ZNF516: variants seen among roughly 807,000 people sequenced by gnomAD.
The protein encoded by ZNF516 is zinc finger protein 516.
ZNF516 carries 19 observed loss-of-function variants against 79.7 expected under a neutral mutation model. The observed-to-expected ratio is 0.24, with a 90% CI of 0.17 to 0.35. The LOEUF (loss-of-function observed/expected upper bound fraction) is 0.35. Ranked by LOEUF, ZNF516 falls within the 10% of genes least tolerant of loss-of-function variation. ZNF516 has a pLI of 1.00. For synonymous variants in ZNF516, 877 were observed against 739.5 expected (o/e 1.19, Z -3.02); for missense variants, 1,678 against 1,679.5 (o/e 1.00, Z 0.02).
chr18:76,391,863 G>A (rs2075078386), intron 3 of ZNF516, among the ~76,000 whole-genome samples: 1 of 152,226 alleles, frequency 6.6e-6, no homozygotes, highest in African/African-American at 2.4e-5. Flanking sequence ...GAAGGCCGGA[G>A]ACCCCATCAG....
At chr18:76,423,001 G>A (rs531694296) in intron 3 of ZNF516, among the ~76,000 whole-genome samples, 3 of 152,198 alleles carry the variant, frequency 2.0e-5, no homozygotes, top group South Asian at 4.2e-4. Context: ...ATCTTAATGC[G>A]TCTGGCCACC....
chr18:76,441,489 C>T lies in ZNF516; in HGVS notation c.1566G>A (p.Lys522=). Residue 522 remains lysine (K), a synonymous_variant, in exon 3 of 7, where the codon AAG becomes AAA. Transcript: ENST00000443185. ...GKSSECFECG[K]IFRTYHQMVL... ...CCATCTGATGATAGGTGCGGAAGAT[C>T]TTGCCGCACTCGAAGCACTCGGAGG... The T allele has an allele frequency of 6.3e-7, 1 of 1,599,866 alleles. No individual in the cohort carries two copies.
intron 1 of ZNF516, among the ~76,000 whole-genome samples, chr18:76,491,485 C>A (rs1166583281): frequency 7.3e-6 from 1 of 137,274 alleles, no homozygotes; most frequent in South Asian, 2.3e-4. Context: ...GCTGTGGGTC[C>A]GTCTCTTTCA....
At position 76,358,607 on chromosome 18, in the gene ZNF516, T is replaced by C. The variant is rs1047922; in HGVS notation, c.*3891A>G. ...GTTTTTTTGCTCAGTGAACAAAACG[T>C]TCTGAAATTAGAACTCACCAAAGTT... On this transcript the variant is annotated 3_prime_UTR_variant, in exon 7 of 7. Transcript: ENST00000443185. 17,454 of 152,302 alleles carry C rather than the reference T, an allele frequency of 0.11. 1,078 individuals carry two copies. Among genetic ancestry groups the C allele is most frequent in the Non-Finnish European group, 0.15 (10,029 of 68,024 alleles). 9.4% of individuals were successfully genotyped at this position (152,302 alleles called of 1,614,324 possible).
rs374464151 is a variant in ZNF516 at position 76,480,529 on chromosome 18, A to ATATATATATAT, written c.-272+14614_-272+14615insATATATATATA. Among the ~76,000 whole-genome samples the ATATATATATAT allele has an allele frequency of 3.7e-4, 52 of 142,086 alleles. 2 individuals are homozygous for ATATATATATAT. Among genetic ancestry groups the ATATATATATAT allele is most frequent in the Middle Eastern group, 3.6e-3 (1 of 274 alleles). 93.2% of individuals were successfully genotyped at this position (142,086 alleles called of 152,430 possible). ...CACACACACACACACACACACATAT[A>ATATATATATAT]TTTTTTTTTTTGAGACGGAGTCTTG... On this transcript the variant is annotated intron_variant, in intron 1 of 6. Transcript: ENST00000443185.
At position 76,421,340 on chromosome 18, in the gene ZNF516, C is replaced by T. The variant is rs115313886; in HGVS notation, c.1810+19905G>A. 6.2e-3 allele frequency among the ~76,000 whole-genome samples: 944 copies of T among 152,272 alleles called. 15 individuals carry two copies. The highest frequency in any genetic ancestry group is 0.021 in the African/African-American group (852 of 41,556). ...GCTGTCCTGGCTGCCAGAGGTATGG[C>T]GGGCTAGGCCTTAGGTGATGGAGAC... On this transcript the variant is annotated intron_variant, in intron 3 of 6. Transcript: ENST00000443185.
At chr18:76,440,345 C>T (rs1477778913) in intron 3 of ZNF516, among the ~76,000 whole-genome samples, 1 of 152,180 alleles carries the variant, frequency 6.6e-6, no homozygotes, top group East Asian at 1.9e-4. Flanking sequence ...CAGCCCTGCC[C>T]CGGGCTTGGA....
At chr18:76,479,940 T>C (rs1400670107) in intron 1 of ZNF516, among the ~76,000 whole-genome samples, 1 of 152,176 alleles carries the variant, frequency 6.6e-6, no homozygotes, top group Non-Finnish European at 1.5e-5. Context: ...TTTAAAGCAA[T>C]GTACCTTCCC....
intron 4 of ZNF516, among the ~76,000 whole-genome samples, chr18:76,374,651 T>C (rs938737925): frequency 1.1e-4 from 16 of 152,234 alleles, no homozygotes; most frequent in African/African-American, 3.6e-4. Flanking sequence ...ATCACACTTC[T>C]AGCACCCACA....
Position 76,432,852 on chromosome 18 carries a change from T to C in ZNF516, c.1810+8393A>G, listed in dbSNP as rs765882504. 4.6e-4 allele frequency among the ~76,000 whole-genome samples: 70 copies of C among 152,102 alleles called. 1 individual carries two copies. The highest frequency in any genetic ancestry group is 9.6e-4 in the Non-Finnish European group (65 of 68,026). On this transcript the variant is annotated intron_variant, in intron 3 of 6. Transcript: ENST00000443185. ...GGGCTTAGCCAACTTCTGCTCCTCA[T>C]CCACAGTAACAACAGATCAGTAACA...
At chr18:76,454,104 A>G (rs1200841953) in intron 2 of ZNF516, among the ~76,000 whole-genome samples, 1 of 152,198 alleles carries the variant, frequency 6.6e-6, no homozygotes, top group Admixed American at 6.5e-5. Context: ...CAAGAATACA[A>G]AGAGAGATAA....
At position 76,479,393 on chromosome 18, in the gene ZNF516, G is replaced by A. The variant is rs183043405; in HGVS notation, c.-272+15751C>T. ...TCCTTCTGTTTTCTGAAATTCTCCC[G>A]GCAAGTCAGTCTGCATCTGCAATTC... On this transcript the variant is annotated intron_variant, in intron 1 of 6. Transcript: ENST00000443185. Among the ~76,000 whole-genome samples the A allele has an allele frequency of 1.9e-3, 295 of 152,248 alleles. 1 individual carries two copies. The highest frequency in any genetic ancestry group is 4.8e-3 in the South Asian group (23 of 4,810).
chr18:76,412,162 G>C (rs1017727846), intron 3 of ZNF516, among the ~76,000 whole-genome samples: 3 of 152,176 alleles, frequency 2.0e-5, no homozygotes, highest in African/African-American at 7.2e-5. Context: ...CAGAGGAAGC[G>C]GCACTAATGA....
chr18:76,433,962 C>T (rs562319870), intron 3 of ZNF516, among the ~76,000 whole-genome samples: 55 of 152,208 alleles, frequency 3.6e-4, no homozygotes, highest in African/African-American at 1.2e-3. Context: ...GAAACCCCAC[C>T]GCGACCGCCA....
intron 1 of ZNF516, among the ~76,000 whole-genome samples, chr18:76,483,346 T>C (rs1914637753): frequency 6.6e-6 from 1 of 152,146 alleles, no homozygotes. Flanking sequence ...CAACACCTCC[T>C]CTTTGTGGCC....
chr18:76,377,148 G>A (rs1013812269), intron 4 of ZNF516, among the ~76,000 whole-genome samples: 6 of 152,232 alleles, frequency 3.9e-5, no homozygotes, highest in African/African-American at 1.2e-4. Context: ...GCACTGCGCC[G>A]CGCCTCCCAC....
At chr18:76,418,190 A>G (rs1871914894) in intron 3 of ZNF516, among the ~76,000 whole-genome samples, 1 of 151,826 alleles carries the variant, frequency 6.6e-6, no homozygotes. Flanking sequence ...AACACATGCT[A>G]TAACACACTG....
chr18:76,437,970 G>A (rs941740569), intron 3 of ZNF516, among the ~76,000 whole-genome samples: 6 of 152,192 alleles, frequency 3.9e-5, no homozygotes, highest in Non-Finnish European at 7.3e-5. Flanking sequence ...TAAAAAGTGA[G>A]GGTGGGTTCA....
chr18:76,480,186 C>CA (rs1165361073), intron 1 of ZNF516, among the ~76,000 whole-genome samples: 7 of 127,898 alleles, frequency 5.5e-5, no homozygotes, highest in South Asian at 2.6e-4. Flanking sequence ...AAAAAAAGAA[C>CA]AAAAAAAAAC....
Sources: allele counts gnomAD v4.1 joint callset (sites outside exome capture counted in the v4.1 genomes callset), GRCh38; gene constraint gnomAD v4.1.1; transcripts MANE v1.5; gene names NCBI Gene and HGNC (gene_info 2026-07-23, HGNC 2026-07-21).